The following DPP6 variants were observed in gnomAD, a reference collection of about 807,000 sequenced individuals.
The protein encoded by DPP6 is A-type potassium channel modulatory protein DPP6.
DPP6 carries 69 observed loss-of-function variants against 122.6 expected under a neutral mutation model. The observed-to-expected ratio is 0.56, with a 90% CI of 0.46 to 0.69. The LOEUF (loss-of-function observed/expected upper bound fraction) is 0.69, where lower values mean the gene tolerates loss of function less well. Ranked by LOEUF, DPP6 falls within the 30% of genes least tolerant of loss-of-function variation. The probability of loss-of-function intolerance (pLI) is 0.00; values close to 1 mark genes in which losing one functional copy is unlikely to be tolerated. For synonymous variants in DPP6, 418 were observed against 433.1 expected (o/e 0.97, Z 0.43); for missense variants, 928 against 1,116.9 (o/e 0.83, Z 2.41).
intron 1 of DPP6, among the ~76,000 whole-genome samples, chr7:154,060,430 A>T (rs1563150086): frequency 7.4e-6 from 1 of 134,388 alleles, no homozygotes; most frequent in African/African-American, 3.1e-5. Context: ...ACCCCCCGCG[A>T]GGCGGGGACT....
chr7:154,233,976 T>C (rs1801056400), intron 1 of DPP6, among the ~76,000 whole-genome samples: 1 of 152,146 alleles, frequency 6.6e-6, no homozygotes, highest in Admixed American at 6.5e-5. Flanking sequence ...GGTGAATGTT[T>C]AATTGAGTGT....
At chr7:154,351,836 C>T (rs779714342) in intron 1 of DPP6, among the ~76,000 whole-genome samples, 1 of 152,144 alleles carries the variant, frequency 6.6e-6, no homozygotes, top group Non-Finnish European at 1.5e-5. Context: ...AGCTGAGCAC[C>T]GGCTTGTCTC....
chr7:154,203,168 A>G (rs1799259290), intron 1 of DPP6, among the ~76,000 whole-genome samples: 1 of 152,176 alleles, frequency 6.6e-6, no homozygotes, highest in Admixed American at 6.5e-5. Flanking sequence ...AAATGAGCTA[A>G]AGTTAGCTCA....
intron 7 of DPP6, among the ~76,000 whole-genome samples, chr7:154,703,899 T>G (rs906244368): frequency 6.6e-6 from 1 of 151,172 alleles, no homozygotes; most frequent in African/African-American, 2.4e-5. Context: ...ATCGCGCCAC[T>G]GCGCTCCAGC....
the DPP6 span, among the ~76,000 whole-genome samples, chr7:153,804,685 G>A: frequency 1.2e-4 from 19 of 152,046 alleles, no homozygotes; most frequent in African/African-American, 4.6e-4. Context: ...ACAAGGTCAG[G>A]AGTTCGAGAC....
intron 1 of DPP6, among the ~76,000 whole-genome samples, chr7:154,001,326 C>T (rs568776483): frequency 1.4e-5 from 2 of 147,746 alleles, no homozygotes; most frequent in East Asian, 2.0e-4. Context: ...TAATCAATAG[C>T]CCATCAATTA....
intron 8 of DPP6, among the ~76,000 whole-genome samples, chr7:154,762,647 C>T (rs1563183001): frequency 6.6e-6 from 1 of 152,344 alleles, no homozygotes; most frequent in Non-Finnish European, 1.5e-5. Flanking sequence ...CGGCAGGGCT[C>T]AGTAGACCCG....
At chr7:154,492,063 T>C (rs1406695866) in intron 3 of DPP6, among the ~76,000 whole-genome samples, 5 of 152,192 alleles carry the variant, frequency 3.3e-5, no homozygotes, top group Non-Finnish European at 7.4e-5. Flanking sequence ...TTTATAAATA[T>C]GATAAAAGTG....
the DPP6 span, among the ~76,000 whole-genome samples, chr7:153,845,036 A>C: frequency 6.6e-6 from 1 of 152,158 alleles, no homozygotes; most frequent in African/African-American, 2.4e-5. Context: ...GAGGAAACAT[A>C]ATTTAGAAGG....
At chr7:154,844,390 G>C (rs978100481) in intron 16 of DPP6, among the ~76,000 whole-genome samples, 7 of 152,218 alleles carry the variant, frequency 4.6e-5, no homozygotes, top group Non-Finnish European at 1.0e-4. Flanking sequence ...TGTTCGGCAT[G>C]TCCCCTCTTC....
intron 1 of DPP6, among the ~76,000 whole-genome samples, chr7:154,010,076 G>A (rs1330239658): frequency 6.6e-6 from 1 of 152,198 alleles, no homozygotes; most frequent in African/African-American, 2.4e-5. Flanking sequence ...TTGAAGGTTT[G>A]TAAGTATTTG....
chr7:153,777,578 C>G, the DPP6 span, among the ~76,000 whole-genome samples: 10 of 106,912 alleles, frequency 9.4e-5, no homozygotes, highest in Non-Finnish European at 1.3e-4. Context: ...AAGTATTGAT[C>G]TATGCAACAA....
chr7:153,890,450 A>G (rs958973670), intron 1 of DPP6, among the ~76,000 whole-genome samples: 13 of 152,214 alleles, frequency 8.5e-5, no homozygotes, highest in African/African-American at 2.9e-4. Flanking sequence ...GAGTTCTACA[A>G]GAATGGTGAC....
intron 1 of DPP6, among the ~76,000 whole-genome samples, chr7:154,335,293 G>C (rs11771921): frequency 0.17 from 26,214 of 152,028 alleles, 2,579 homozygotes; most frequent in African/African-American, 0.26. Context: ...CATCAAGTAA[G>C]AGTATTTCTT....
In DPP6 at chr7:154,467,287, T is replaced by A. The variant is rs1821869273; in HGVS notation, c.359-7652T>A. Among the ~76,000 whole-genome samples the A allele has an allele frequency of 2.0e-5, 3 of 152,232 alleles. No homozygotes were observed. The South Asian group carries it at 6.2e-4, about 32-fold the overall frequency. On this transcript the variant is annotated intron_variant, in intron 2 of 25. Coordinates refer to ENST00000377770, the MANE Select transcript of DPP6 (RefSeq NM_130797.4). Reference sequence around the variant, plus strand: ...TTTTGGGGGTCTGATATGGTTTGGCTCTGTGTTCCCACCCAAATCTCATGT... The same window carrying A: ...TTTTGGGGGTCTGATATGGTTTGGCACTGTGTTCCCACCCAAATCTCATGT...
chr7:154,062,341 G>A (rs10265513), intron 1 of DPP6, among the ~76,000 whole-genome samples: 4,918 of 10,856 alleles, frequency 0.45, 134 homozygotes, highest in Middle Eastern at 0.56. Flanking sequence ...GGCACCCCCC[G>A]CGAGGGTGGG....
In DPP6 at chr7:154,755,545, G is replaced by A. The variant is rs532122740; in HGVS notation, c.884-13872G>A. On this transcript the variant is annotated intron_variant, in intron 8 of 25. Transcript: ENST00000377770. The surrounding 1 kb of genome is among the most constrained non-coding windows in gnomAD (Gnocchi z 4.7). ...AGTGTCTACCTGGAGTGATTGCGTT[G>A]AGGATTAAATGAGTTAACCCATCTA... Among the ~76,000 whole-genome samples, 2 of 152,244 alleles carry A rather than the reference G, an allele frequency of 1.3e-5. No homozygotes were observed. Among genetic ancestry groups the A allele is most frequent in the East Asian group, 3.9e-4 (2 of 5,172 alleles).
chr7:153,886,435 G>GC (rs113858228), upstream of DPP6, among the ~76,000 whole-genome samples: 9,076 of 152,236 alleles, frequency 0.06, 457 homozygotes, highest in East Asian at 0.23. Flanking sequence ...GGGTTCCAGG[G>GC]TAGGGAGAGC....
At chr7:154,454,003 T>C (rs1284267541) in intron 2 of DPP6, among the ~76,000 whole-genome samples, 1 of 152,076 alleles carries the variant, frequency 6.6e-6, no homozygotes, top group Non-Finnish European at 1.5e-5. Flanking sequence ...ACCTCCTAAT[T>C]TTTTTTTGTC....
Sources: gnomAD v4.1 joint callset for allele counts (sites outside exome capture counted in the v4.1 genomes callset) on GRCh38, gnomAD v4.1.1 for gene constraint, Gnocchi (gnomAD v3.1) non-coding constraint, MANE v1.5 for transcripts, NCBI Gene and HGNC (gene_info 2026-07-23, HGNC 2026-07-21) for gene names.